The following MTOR variants were observed in gnomAD, a reference collection of about 807,000 sequenced individuals.
MTOR encodes the protein serine/threonine-protein kinase mTOR.
In MTOR, 70 loss-of-function variants were observed where a neutral mutation model predicts 319.8. The ratio of observed to expected loss-of-function variants is 0.22; its 90% CI spans 0.18 to 0.27. MTOR has a LOEUF of 0.27. Ranked by LOEUF, MTOR falls within the 10% of genes least tolerant of loss-of-function variation. The pLI, the probability that MTOR is intolerant of heterozygous loss-of-function variation, is 1.00. For missense variants in MTOR, 1,890 were observed against 3,274.4 expected (o/e 0.58, Z 10.32); for synonymous variants, 1,183 against 1,211.4 (o/e 0.98, Z 0.49).
chr1:11,135,413 A>G (rs547402896), intron 36 of MTOR, among the ~76,000 whole-genome samples: 2 of 152,368 alleles, frequency 1.3e-5, no homozygotes, highest in African/African-American at 4.8e-5. Context: ...AGGAAACATT[A>G]TATGAGAGAA....
chr1:11,155,953 T>C (rs2100560881), intron 30 of MTOR, among the ~76,000 whole-genome samples: 1 of 152,214 alleles, frequency 6.6e-6, no homozygotes, highest in South Asian at 2.1e-4. Context: ...AGTCGGGAGG[T>C]AGCATGGAAC....
At chr1:11,158,482 G>A (rs1007236130) in intron 29 of MTOR, among the ~76,000 whole-genome samples, 5 of 152,106 alleles carry the variant, frequency 3.3e-5, no homozygotes, top group African/African-American at 1.2e-4. Flanking sequence ...GCCCTCTGCT[G>A]CCCCTAGACT....
At chr1:11,136,083 G>A (rs181918192) in intron 36 of MTOR, among the ~76,000 whole-genome samples, 3 of 151,986 alleles carry the variant, frequency 2.0e-5, no homozygotes, top group Admixed American at 6.6e-5. Context: ...GCAGTGAGCC[G>A]AGATCACACC....
At chr1:11,140,631 TG>T (rs1643653425) in intron 34 of MTOR, among the ~76,000 whole-genome samples, 1 of 152,192 alleles carries the variant, frequency 6.6e-6, no homozygotes, top group Admixed American at 6.5e-5. Context: ...TGCTACCCTA[TG>T]TGACTTTGGG....
rs28730694 is a variant in MTOR at position 11,248,017 on chromosome 1, G to A, written c.918C>T (p.Phe306=). 2.0e-3 allele frequency: 3,197 copies of A among 1,614,090 alleles called. 62 individuals carry two copies. The African/African-American group carries it at 0.038, about 19-fold the overall frequency. The change falls in exon 7 of 58, where the codon TTC becomes TTT. Residue 306 remains phenylalanine (F), a synonymous_variant. Coordinates refer to ENST00000361445, the MANE Select transcript of MTOR (RefSeq NM_004958.4). Reference sequence around the variant, plus strand: ...GGGTAATGTGACGAGGTTTTGTTCCGAAGCCCATGAGATCTTTGCAGTACT... The same window carrying A: ...GGGTAATGTGACGAGGTTTTGTTCCAAAGCCCATGAGATCTTTGCAGTACT... ...HDKYCKDLMG[F]GTKPRHITPF... is the part of the protein sequence containing the mutation.
Position 11,129,940 on chromosome 1 carries a change from A to G in MTOR, c.5614-102T>C, listed in dbSNP as rs1162454530. The stretch of plus-strand genomic sequence containing the variant: ...ACTGTACCTACTTCAAAGGGTGGTT[A>G]TAACAATTAAATCGGTTAATGCATG... On this transcript the variant is annotated intron_variant, in intron 39 of 57. Coordinates refer to ENST00000361445, the MANE Select transcript of MTOR (RefSeq NM_004958.4). This position sits in a 1 kb window ranked among gnomAD's most constrained non-coding sequence, Gnocchi z 4.7. 5 of 973,246 alleles carry G rather than the reference A, an allele frequency of 5.1e-6. No individual in the cohort carries two copies. Among genetic ancestry groups the G allele is most frequent in the Admixed American group, 2.2e-5 (1 of 44,988 alleles). The allele number at this position is 973,246 out of a possible 1,614,324, so 60.3% of individuals were successfully genotyped here.
rs750543047 is a variant in MTOR at position 11,108,164 on chromosome 1, T to G, written c.7634+17A>C. ...GATTGCTTATTTTAACAAAGTCACT[T>G]TGAGAGCCCCACTCACCAGCCAATA... On this transcript the variant is annotated intron_variant, in intron 57 of 57. Coordinates refer to ENST00000361445, the MANE Select transcript of MTOR (RefSeq NM_004958.4). 17 of 1,605,118 alleles carry G rather than the reference T, an allele frequency of 1.1e-5. No individual in the cohort carries two copies. Among genetic ancestry groups the G allele is most frequent in the Non-Finnish European group, 1.5e-5 (17 of 1,172,142 alleles).
intron 13 of MTOR, among the ~76,000 whole-genome samples, chr1:11,237,505 G>A (rs985153287): frequency 6.6e-6 from 1 of 151,984 alleles, no homozygotes; most frequent in Non-Finnish European, 1.5e-5. Context: ...ATAGGGAGGC[G>A]CTGGGAAGTC....
chr1:11,199,855 T>C lies in MTOR; in HGVS notation c.3945-152A>G, dbSNP rs1645903036. ...AGTGCTGTCCAAGAGAATTTTCCTG[T>C]CCAATATGGTAGCCAGTGATCACTA... On this transcript the variant is annotated intron_variant, in intron 26 of 57. Transcript: ENST00000361445. This position sits in a 1 kb window ranked among gnomAD's most constrained non-coding sequence, Gnocchi z 4.5. 1.4e-6 allele frequency: 1 copy of C among 716,316 alleles called. No individual in the cohort carries two copies. Among genetic ancestry groups the C allele is most frequent in the Non-Finnish European group, 2.3e-6 (1 of 440,582 alleles). The allele number at this position is 716,316 out of a possible 1,614,324, so 44.4% of individuals were successfully genotyped here.
rs35509012 is a variant in MTOR at position 11,167,494 on chromosome 1, G to A, written c.4277C>T (p.Pro1426Leu). The part of the protein sequence containing the change: ...LISINNKLQQ[P>L]EAAAGVLEYA... Reference sequence around the variant, plus strand: ...TTCTAACACTCCGGCCGCTGCCTCCGGCTGCTGTAGCTTATTATTAATGCT... The same window carrying A: ...TTCTAACACTCCGGCCGCTGCCTCCAGCTGCTGTAGCTTATTATTAATGCT... The change falls in exon 29 of 58, where the codon CCG (proline) becomes CTG (leucine). Residue 1426 changes from proline to leucine, a missense_variant. By Grantham distance (98) the Pro-to-Leu change is moderately conservative. Transcript: ENST00000361445. 5 of 1,612,698 alleles carry A rather than the reference G, an allele frequency of 3.1e-6. No homozygotes were observed. Among genetic ancestry groups the A allele is most frequent in the East Asian group, 2.2e-5 (1 of 44,868 alleles).
chr1:11,110,433 G>A (rs951534856), intron 54 of MTOR, among the ~76,000 whole-genome samples: 3 of 151,928 alleles, frequency 2.0e-5, no homozygotes, highest in Admixed American at 6.6e-5. Context: ...ACGGAGTTTC[G>A]CTCTTGTTGC....
chr1:11,121,400 G>T lies in MTOR; in HGVS notation c.6811-32C>A, dbSNP rs17235633. 0.037 allele frequency: 59,893 copies of T among 1,612,752 alleles called. 1,990 individuals are homozygous for T. Among genetic ancestry groups the T allele is most frequent in the South Asian group, 0.11 (10,249 of 91,010 alleles). On this transcript the variant is annotated intron_variant, in intron 48 of 57. Coordinates refer to ENST00000361445, the MANE Select transcript of MTOR (RefSeq NM_004958.4). This position sits in a 1 kb window ranked among gnomAD's most constrained non-coding sequence, Gnocchi z 4.9. ...CAGGACACAACTGTTCAGTAAGAGA[G>T]CAGCCTAAGACATGTAGTTTGGGTC... is the stretch of plus-strand genomic sequence containing the variant.
chr1:11,243,432 C>A, intron 8 of MTOR, 132 bp from the exon 9 acceptor site: 1 of 816,546 alleles, frequency 1.2e-6, no homozygotes, highest in Non-Finnish European at 1.9e-6. Context: ...TGGCTCACAC[C>A]TGTAATCCCA....
intron 38 of MTOR, chr1:11,131,203 A>C (rs1014449034): frequency 7.6e-5 from 15 of 196,626 alleles, no homozygotes; most frequent in African/African-American, 2.4e-5. Context: ...GCAAGGAGGG[A>C]AACAAGAAGG....
At chr1:11,260,269 A>G (rs1341856591) in intron 1 of MTOR, among the ~76,000 whole-genome samples, 1 of 152,256 alleles carries the variant, frequency 6.6e-6, no homozygotes, top group Non-Finnish European at 1.5e-5. Flanking sequence ...TAGGCCGGGC[A>G]CAGTGGCTCA....
chr1:11,118,372 G>A (rs1262544953), intron 49 of MTOR, among the ~76,000 whole-genome samples: 2 of 38,344 alleles, frequency 5.2e-5, no homozygotes, highest in African/African-American at 6.9e-5. Context: ...GAGTAGCTAG[G>A]ATAACAGGCA....
Position 11,212,508 on chromosome 1 carries a change from C to CATACAATCTCCAA in MTOR, c.3399-47_3399-35dup. ...ATCACTAACATACAGTAACTGCTAA[C>CATACAATCTCCAA]ATACAATCTCCAAGGAAGAGACGTG... is the stretch of plus-strand genomic sequence containing the variant. On this transcript the variant is annotated intron_variant, in intron 22 of 57. Coordinates refer to ENST00000361445, the MANE Select transcript of MTOR (RefSeq NM_004958.4). The surrounding 1 kb of genome is among the most constrained non-coding windows in gnomAD (Gnocchi z 4.1). The CATACAATCTCCAA allele has an allele frequency of 6.3e-7, 1 of 1,599,730 alleles. No individual in the cohort carries two copies. The highest frequency in any genetic ancestry group is 1.1e-5 in the South Asian group (1 of 88,694).
intron 29 of MTOR, among the ~76,000 whole-genome samples, chr1:11,166,642 G>A (rs1644653004): frequency 6.6e-6 from 1 of 152,192 alleles, no homozygotes; most frequent in Non-Finnish European, 1.5e-5. Flanking sequence ...TTACACTGTT[G>A]GTGGGACTGT....
At chr1:11,196,704 T>C (rs1156823629) in intron 28 of MTOR, among the ~76,000 whole-genome samples, 1 of 151,968 alleles carries the variant, frequency 6.6e-6, no homozygotes, top group African/African-American at 2.4e-5. Context: ...ATACAAAAAT[T>C]AGCTGGGCAT....
Sources: allele counts gnomAD v4.1 joint callset (sites outside exome capture counted in the v4.1 genomes callset), GRCh38; gene constraint gnomAD v4.1.1; non-coding constraint Gnocchi (gnomAD v3.1); transcripts MANE v1.5; gene names NCBI Gene and HGNC (gene_info 2026-07-23, HGNC 2026-07-21).